PCDHGA1: variants seen among roughly 807,000 people sequenced by gnomAD.
The protein encoded by PCDHGA1 is protocadherin gamma-A1.
Under a neutral mutation model 58.0 loss-of-function variants are expected in PCDHGA1, and 32 were observed. The observed-to-expected ratio is 0.55, with a 90% CI of 0.42 to 0.74. The LOEUF is 0.74. Ranked by LOEUF, PCDHGA1 falls within the 30% of genes least tolerant of loss-of-function variation. The pLI is 0.00. For missense variants in PCDHGA1, 1,205 were observed against 1,182.3 expected (o/e 1.02, Z -0.28); for synonymous variants, 498 against 501.1 (o/e 0.99, Z 0.08).
At position 141,510,973 on chromosome 5, in the gene PCDHGA1, G is replaced by A. The variant is rs1448442252; in HGVS notation, c.2596G>A (p.Gly866Arg). 2 of 1,614,042 alleles carry A rather than the reference G, an allele frequency of 1.2e-6. No individual in the cohort carries two copies. Among genetic ancestry groups the A allele is most frequent in the East Asian group, 2.2e-5 (1 of 44,894 alleles). ...AGCTGCTGATGGGAGCTCCACCCTG[G>A]GAGGGGGTGCCGGCACCATGGGATT... ...SEAADGSSTL[G>R]GGAGTMGLSA... Residue 866 changes from glycine (G) to arginine (R), a missense_variant, in exon 4 of 4, where the codon GGA (glycine) becomes AGA (arginine). Gly to Arg is a moderately radical substitution (Grantham distance 125). Transcript: ENST00000517417.
chr5:141,331,330 G>A lies in PCDHGA1; in HGVS notation c.646G>A (p.Asp216Asn). ...AVHHLILTAS[D>N]GGEPVRSGTL... The stretch of plus-strand genomic sequence containing the variant: ...CCACCACCTCATCCTCACAGCTTCT[G>A]ATGGGGGTGAACCAGTCCGTTCAGG... Residue 216 changes from aspartate (D) to asparagine (N), a missense_variant, in exon 1 of 4, where the codon GAT becomes AAT. Physicochemically the swap from Asp to Asn is conservative, Grantham distance 23. Transcript: ENST00000517417. 6.2e-7 allele frequency: 1 copy of A among 1,614,184 alleles called. No individual in the cohort carries two copies. Among genetic ancestry groups the A allele is most frequent in the African/African-American group, 1.3e-5 (1 of 75,050 alleles).
In PCDHGA1 at chr5:141,491,425, C is replaced by CA; in HGVS notation, c.2422-3381dup. The CA allele has an allele frequency of 6.2e-7, 1 of 1,614,076 alleles. No homozygotes were observed. The highest frequency in any genetic ancestry group is 8.5e-7 in the Non-Finnish European group (1 of 1,179,996). On this transcript the variant is annotated intron_variant, in intron 1 of 3. Coordinates refer to ENST00000517417, the MANE Select transcript of PCDHGA1 (RefSeq NM_018912.3). The surrounding 1 kb of genome is among the most constrained non-coding windows in gnomAD (Gnocchi z 6.9). ...CGCAGACGGGGACGGGGGTGGAGGG[C>CA]AGTGCTGCAGGCGCCAGGACTCACC...
chr5:141,407,601 A>G (rs886898088), intron 1 of PCDHGA1, among the ~76,000 whole-genome samples: 3 of 152,168 alleles, frequency 2.0e-5, no homozygotes, highest in African/African-American at 7.2e-5. Flanking sequence ...CATCTTAAAA[A>G]GAAGCATTGG....
intron 1 of PCDHGA1, chr5:141,372,254 C>A (rs776276298): frequency 5.6e-6 from 9 of 1,612,978 alleles, no homozygotes; most frequent in Admixed American, 1.7e-5. Flanking sequence ...TCAGCCTGGG[C>A]CTGCGCACGG....
intron 1 of PCDHGA1, among the ~76,000 whole-genome samples, chr5:141,405,967 G>A (rs76683972): frequency 6.6e-6 from 1 of 152,068 alleles, no homozygotes; most frequent in Non-Finnish European, 1.5e-5. Flanking sequence ...TGCTGTCAAC[G>A]TAAACCATAC....
At chr5:141,393,592 G>T (rs200863279) in intron 1 of PCDHGA1, 1 of 1,613,908 alleles carries the variant, frequency 6.2e-7, no homozygotes, top group South Asian at 1.1e-5. Flanking sequence ...CCAGGCACGC[G>T]GCTGCTTACT....
chr5:141,390,275 C>G, intron 1 of PCDHGA1: 1 of 1,613,976 alleles, frequency 6.2e-7, no homozygotes, highest in Non-Finnish European at 8.5e-7. Context: ...AATTGACTTC[C>G]CATCAGGTGA....
intron 1 of PCDHGA1, chr5:141,374,257 G>A (rs1770316361): frequency 6.8e-6 from 11 of 1,614,042 alleles, no homozygotes; most frequent in Non-Finnish European, 7.6e-6. Context: ...AGCCCCAGGA[G>A]TTGGCGGAGC....
At position 141,487,534 on chromosome 5, in the gene PCDHGA1, G is replaced by T; in HGVS notation, c.2422-7273G>T. The T allele has an allele frequency of 6.2e-7, 1 of 1,614,174 alleles. No homozygotes were observed. The highest frequency in any genetic ancestry group is 8.5e-7 in the Non-Finnish European group (1 of 1,180,034). ...CCACTCGGAGTGATAGCTTCATGAT[G>T]GTGAAGTCACCCAGTGCACCTATGG... On this transcript the variant is annotated intron_variant, in intron 1 of 3. Coordinates refer to ENST00000517417, the MANE Select transcript of PCDHGA1 (RefSeq NM_018912.3). This position sits in a 1 kb window ranked among gnomAD's most constrained non-coding sequence, Gnocchi z 5.0.
intron 1 of PCDHGA1, chr5:141,376,920 C>T (rs527270477): frequency 5.8e-6 from 1 of 173,470 alleles, no homozygotes; most frequent in Admixed American, 5.6e-5. Flanking sequence ...ATCTCCTGAC[C>T]TCATGATCCA....
chr5:141,358,540 G>C (rs191289773), intron 1 of PCDHGA1, among the ~76,000 whole-genome samples: 1 of 152,152 alleles, frequency 6.6e-6, no homozygotes, highest in Admixed American at 6.5e-5. Context: ...ATATTTTCTT[G>C]TTGCTGTTCT....
intron 2 of PCDHGA1, among the ~76,000 whole-genome samples, chr5:141,503,081 C>G (rs1354848667): frequency 6.6e-6 from 1 of 151,960 alleles, no homozygotes; most frequent in Non-Finnish European, 1.5e-5. Flanking sequence ...TCTCGATCTC[C>G]TGACCTCGTG....
chr5:141,450,615 T>C (rs2098687601), intron 1 of PCDHGA1, among the ~76,000 whole-genome samples: 1 of 151,340 alleles, frequency 6.6e-6, no homozygotes, highest in African/African-American at 2.4e-5. Flanking sequence ...GCCTCCTGAG[T>C]AGCTGGGATT....
chr5:141,476,747 C>A lies in PCDHGA1; in HGVS notation c.2422-18060C>A. 1 of 1,614,066 alleles carries A rather than the reference C, an allele frequency of 6.2e-7. No homozygotes were observed. The highest frequency in any genetic ancestry group is 1.3e-5 in the African/African-American group (1 of 75,074). On this transcript the variant is annotated intron_variant, in intron 1 of 3. Transcript: ENST00000517417. The surrounding 1 kb of genome is among the most constrained non-coding windows in gnomAD (Gnocchi z 7.6). ...GGACCGAGAACGGGAGCCTAGTCTCCAGTTAGTGCTGACGGCGTTGGACGG... is the reference window on the plus strand; with the variant it reads ...GGACCGAGAACGGGAGCCTAGTCTCAAGTTAGTGCTGACGGCGTTGGACGG...
chr5:141,398,799 C>T (rs2093705548), intron 1 of PCDHGA1: 3 of 1,613,848 alleles, frequency 1.9e-6, no homozygotes, highest in East Asian at 2.2e-5. Context: ...CCCTAAGCGG[C>T]ACCACTGAGC....
chr5:141,419,756 G>C (rs1006926516), intron 1 of PCDHGA1: 10 of 1,613,890 alleles, frequency 6.2e-6, no homozygotes, highest in Admixed American at 1.7e-5. Flanking sequence ...GCGTGCTTTG[G>C]GTGACAAGGA....
chr5:141,407,996 TG>T, intron 1 of PCDHGA1: 1 of 872,306 alleles, frequency 1.1e-6, no homozygotes, highest in Non-Finnish European at 1.7e-6. Flanking sequence ...GCCTCTGGCC[TG>T]GGATTCCCTG....
chr5:141,394,508 C>A (rs776107587), intron 1 of PCDHGA1: 3 of 1,614,104 alleles, frequency 1.9e-6, no homozygotes, highest in Non-Finnish European at 2.5e-6. Context: ...TCCTGTACCC[C>A]GCCCTCCCCA....
intron 1 of PCDHGA1, chr5:141,398,772 G>A: frequency 6.2e-7 from 1 of 1,613,910 alleles, no homozygotes; most frequent in South Asian, 1.1e-5. Flanking sequence ...TGACTGCCTT[G>A]GACGGTGGAC....
Sources: gnomAD v4.1 joint callset for allele counts (sites outside exome capture counted in the v4.1 genomes callset) on GRCh38, gnomAD v4.1.1 for gene constraint, Gnocchi (gnomAD v3.1) non-coding constraint, MANE v1.5 for transcripts, NCBI Gene and HGNC (gene_info 2026-07-23, HGNC 2026-07-21) for gene names.